Variants in NTRK3 observed in about 807,000 individuals in gnomAD.
NTRK3 encodes the protein neurotrophic receptor tyrosine kinase 3, also known as NT-3 growth factor receptor.
In NTRK3, 24 loss-of-function variants were observed where a neutral mutation model predicts 91.7. That is an observed-to-expected ratio of 0.26 (90% confidence interval 0.19 to 0.37). The LOEUF (loss-of-function observed/expected upper bound fraction) is 0.37, where lower values mean the gene tolerates loss of function less well. Ranked by LOEUF, NTRK3 falls within the 10% of genes least tolerant of loss-of-function variation. The pLI is 1.00. For missense variants in NTRK3, 880 were observed against 1,068.9 expected (o/e 0.82, Z 2.46); for synonymous variants, 483 against 404.0 (o/e 1.20, Z -2.34).
chr15:87,875,069 C>T (rs1567057713), exon 19 of NTRK3: 1 of 230,846 alleles, frequency 4.3e-6, no homozygotes, highest in Non-Finnish European at 8.6e-6. Context: ...AGCAAAACCA[C>T]AAACACATAA....
chr15:88,142,248 C>T (rs1007815141), intron 6 of NTRK3, among the ~76,000 whole-genome samples: 3 of 152,224 alleles, frequency 2.0e-5, no homozygotes, highest in African/African-American at 7.2e-5. Flanking sequence ...GGGGGCAGTC[C>T]TGCGGAACCT....
Position 88,182,524 on chromosome 15 carries a change from A to G in NTRK3, c.395+894T>C, listed in dbSNP as rs79527153. ...CTAGCCCATAGCACACCACTTCTCC[A>G]CTTTCTCCCCAAAGGCAATAGACCC... On this transcript the variant is annotated intron_variant, in intron 5 of 18. Transcript: ENST00000394480. 6.9e-3 allele frequency among the ~76,000 whole-genome samples: 1,050 copies of G among 152,114 alleles called. 13 individuals are homozygous for G. The highest frequency in any genetic ancestry group is 0.024 in the African/African-American group (993 of 41,508).
intron 15 of NTRK3, 106 bp from the exon 16 acceptor site, chr15:87,933,290 A>G (rs2068968267): frequency 1.9e-6 from 2 of 1,052,614 alleles, no homozygotes; most frequent in Non-Finnish European, 2.8e-6. Flanking sequence ...TTACCAATAA[A>G]TATGAATCTA....
intron 13 of NTRK3, among the ~76,000 whole-genome samples, chr15:88,092,749 CA>C (rs1403822386): frequency 3.3e-5 from 5 of 152,206 alleles, no homozygotes; most frequent in Admixed American, 2.0e-4. Flanking sequence ...TTCTTTCTAG[CA>C]GCTGATGGCA....
At chr15:88,093,819 G>T (rs533361064) in intron 13 of NTRK3, among the ~76,000 whole-genome samples, 1 of 152,110 alleles carries the variant, frequency 6.6e-6, no homozygotes, top group East Asian at 1.9e-4. Context: ...GCCTCAAGCG[G>T]GGGGGTTGCT....
chr15:88,076,535 T>C (rs1274847694), intron 13 of NTRK3, among the ~76,000 whole-genome samples: 4 of 152,040 alleles, frequency 2.6e-5, no homozygotes, highest in African/African-American at 9.7e-5. Flanking sequence ...TTTATTCAAA[T>C]AATATTTCAA....
intron 17 of NTRK3, 88 bp from the exon 19 acceptor site, chr15:87,880,516 T>C (rs2065181857): frequency 1.5e-6 from 2 of 1,331,774 alleles, no homozygotes; most frequent in East Asian, 4.9e-5. Flanking sequence ...ATAGATGCAC[T>C]CTTGATGCAT....
intron 13 of NTRK3, among the ~76,000 whole-genome samples, chr15:88,064,985 A>T (rs1331886191): frequency 6.6e-6 from 1 of 152,190 alleles, no homozygotes; most frequent in East Asian, 1.9e-4. Flanking sequence ...AGCCTGGCTC[A>T]TTTGCAGGTA....
intron 15 of NTRK3, among the ~76,000 whole-genome samples, chr15:87,935,717 C>G (rs541405906): frequency 3.3e-5 from 5 of 152,280 alleles, no homozygotes; most frequent in African/African-American, 1.2e-4. Flanking sequence ...TTAAATCATT[C>G]TCTCCCACAG....
At position 88,242,006 on chromosome 15, in the gene NTRK3, C is replaced by T. The variant is rs185285976; in HGVS notation, c.248+13900G>A. ...CAGCTCTCCCAAGTGGCTGGCCCAT[C>T]AGAGACTCTCCAATAAACCCACGTT... is the stretch of plus-strand genomic sequence containing the variant. On this transcript the variant is annotated intron_variant, in intron 3 of 18. Coordinates refer to ENST00000394480, the Ensembl canonical transcript of NTRK3. Among the ~76,000 whole-genome samples, 292 of 152,268 alleles carry T rather than the reference C, an allele frequency of 1.9e-3. 2 individuals carry two copies. Among genetic ancestry groups the T allele is most frequent in the Admixed American group, 0.018 (268 of 15,300 alleles).
intron 13 of NTRK3, among the ~76,000 whole-genome samples, chr15:88,068,599 G>A (rs1445092224): frequency 1.3e-5 from 2 of 152,192 alleles, no homozygotes; most frequent in Non-Finnish European, 2.9e-5. Flanking sequence ...GACAAGGCAA[G>A]CAGCTGCTGT....
At chr15:87,977,660 G>A (rs755715766) in intron 14 of NTRK3, 1 of 232,482 alleles carries the variant, frequency 4.3e-6, no homozygotes, top group Non-Finnish European at 8.5e-6. Flanking sequence ...AGCAGGATGA[G>A]GAGAGCTGGA....
chr15:88,112,150 C>T (rs903158511), intron 13 of NTRK3, among the ~76,000 whole-genome samples: 2 of 152,168 alleles, frequency 1.3e-5, no homozygotes, highest in Non-Finnish European at 2.9e-5. Flanking sequence ...TCGTGATCCG[C>T]CCGCCTTGGC....
chr15:88,168,719 GC>G (rs1345578107), intron 5 of NTRK3, among the ~76,000 whole-genome samples: 1 of 126,662 alleles, frequency 7.9e-6, no homozygotes, highest in East Asian at 2.1e-4. Flanking sequence ...GAACCAAGGT[GC>G]CCTTTTACTC....
intron 14 of NTRK3, among the ~76,000 whole-genome samples, chr15:87,990,374 C>G (rs1047325789): frequency 6.6e-6 from 1 of 152,202 alleles, no homozygotes; most frequent in Non-Finnish European, 1.5e-5. Context: ...GAGCTAAATT[C>G]CTGCCCTGAC....
At chr15:87,974,385 G>A (rs2073534443) in intron 14 of NTRK3, among the ~76,000 whole-genome samples, 1 of 152,204 alleles carries the variant, frequency 6.6e-6, no homozygotes, top group African/African-American at 2.4e-5. Context: ...GTGCGTTGAA[G>A]AAAGGTTAAG....
chr15:87,873,592 G>T, exon 19 of NTRK3: 1 of 232,000 alleles, frequency 4.3e-6, no homozygotes, highest in Non-Finnish European at 8.5e-6. Flanking sequence ...ATGTGACATG[G>T]TCTTCTAAAA....
chr15:88,230,895 G>A lies in NTRK3; in HGVS notation c.248+25011C>T, dbSNP rs142551986. Among the ~76,000 whole-genome samples, 1,407 of 152,352 alleles carry A rather than the reference G, an allele frequency of 9.2e-3. 16 individuals are homozygous for A. Among genetic ancestry groups the A allele is most frequent in the Middle Eastern group, 0.017 (5 of 294 alleles). On this transcript the variant is annotated intron_variant, in intron 3 of 18. Coordinates refer to ENST00000394480, the Ensembl canonical transcript of NTRK3. Reference sequence around the variant, plus strand: ...GAGAAAGCCCATTTCCTGAAGACATGCCAGTTGGTTGACGCCCATGGAGAA... The same window carrying A: ...GAGAAAGCCCATTTCCTGAAGACATACCAGTTGGTTGACGCCCATGGAGAA...
intron 13 of NTRK3, among the ~76,000 whole-genome samples, chr15:88,076,903 G>A (rs1426820493): frequency 6.6e-6 from 1 of 152,074 alleles, no homozygotes; most frequent in Non-Finnish European, 1.5e-5. Context: ...GACCAGCCTG[G>A]TGAACATGGT....
Sources: allele counts gnomAD v4.1 joint callset (sites outside exome capture counted in the v4.1 genomes callset), GRCh38; gene constraint gnomAD v4.1.1; transcripts MANE v1.5; gene names NCBI Gene and HGNC (gene_info 2026-07-23, HGNC 2026-07-21).